The following DMTN variants were observed in gnomAD, a reference collection of about 807,000 sequenced individuals.
DMTN encodes the protein dematin.
In DMTN, 27 loss-of-function variants were observed where a neutral mutation model predicts 59.4. The observed-to-expected ratio is 0.45, with a 90% confidence interval of 0.33 to 0.63. DMTN has a LOEUF of 0.63. Ranked by LOEUF, DMTN falls within the 20% of genes least tolerant of loss-of-function variation. DMTN has a pLI of 0.02. For synonymous variants in DMTN, 221 were observed against 203.7 expected, an observed-to-expected ratio of 1.08 and a Z score of -0.72; for missense variants, 451 against 528.9, an observed-to-expected ratio of 0.85 and a Z score of 1.45.
chr8:22,062,657 G>A (rs1007928112), intron 1 of DMTN, among the ~76,000 whole-genome samples: 2 of 150,588 alleles, frequency 1.3e-5, no homozygotes, highest in African/African-American at 4.9e-5. Flanking sequence ...TGTACCACCT[G>A]GCCAGCACCC....
At chr8:22,076,163 G>T (rs1052968780) in intron 10 of DMTN, among the ~76,000 whole-genome samples, 1 of 152,146 alleles carries the variant, frequency 6.6e-6, no homozygotes, top group Non-Finnish European at 1.5e-5. Flanking sequence ...TGGACATGTG[G>T]GGTTTGAAGT....
intron 1 of DMTN, among the ~76,000 whole-genome samples, chr8:22,062,126 T>C (rs977607023): frequency 6.6e-6 from 1 of 151,802 alleles, no homozygotes; most frequent in Admixed American, 6.6e-5. Context: ...CCCTGTCCTC[T>C]CCTTTCCAGG....
chr8:22,049,196 C>T (rs1261467356), upstream of DMTN: 3 of 150,664 alleles, frequency 2.0e-5, no homozygotes, highest in African/African-American at 7.3e-5. Context: ...CCAGGAGCCT[C>T]CTCGGGCAGC....
In DMTN at chr8:22,060,620, A is replaced by G. The variant is rs1016662292; in HGVS notation, c.-172+3484A>G. 2.0e-5 allele frequency among the ~76,000 whole-genome samples: 3 copies of G among 152,262 alleles called. No homozygotes were observed. Among genetic ancestry groups the G allele is most frequent in the African/African-American group, 7.2e-5 (3 of 41,472 alleles). ...ATTTCTGCCTCTGTGGAAATAATTT[A>G]TCAACCAACATGCTCTCTAACAAAT... On this transcript the variant is annotated intron_variant, in intron 1 of 15. Transcript: ENST00000358242. The surrounding 1 kb of genome is among the most constrained non-coding windows in gnomAD (Gnocchi z 5.0).
At chr8:22,074,084 G>A (rs1817898380) in intron 10 of DMTN, among the ~76,000 whole-genome samples, 1 of 152,192 alleles carries the variant, frequency 6.6e-6, no homozygotes, top group South Asian at 2.1e-4. Flanking sequence ...CTAGGCACTG[G>A]GCATATAAGC....
chr8:22,051,538 A>G (rs1453455865), upstream of DMTN, among the ~76,000 whole-genome samples: 1 of 151,966 alleles, frequency 6.6e-6, no homozygotes, highest in Non-Finnish European at 1.5e-5. Context: ...TCCTTAAGCC[A>G]CACCCCACCC....
At chr8:22,056,447 T>C (rs1280029508), upstream of DMTN, among the ~76,000 whole-genome samples, 5 of 152,144 alleles carry the variant, frequency 3.3e-5, no homozygotes, top group Admixed American at 6.5e-5. Flanking sequence ...TGCAGGTGCC[T>C]GGAGAAAGCA....
upstream of DMTN, among the ~76,000 whole-genome samples, chr8:22,056,691 C>T (rs1243778685): frequency 2.0e-5 from 3 of 150,278 alleles, no homozygotes; most frequent in South Asian, 4.1e-4. Flanking sequence ...TGAGCTGCAG[C>T]GCTGGTGGAA....
chr8:22,057,499 G>T (rs998977946), intron 1 of DMTN, among the ~76,000 whole-genome samples: 1 of 152,168 alleles, frequency 6.6e-6, no homozygotes, highest in Admixed American at 6.5e-5. Context: ...ATACTGGCCC[G>T]CTGGCCTCCC....
chr8:22,066,853 C>A lies in DMTN; in HGVS notation c.-23C>A. On this transcript the variant is annotated 5_prime_UTR_variant, in exon 2 of 16. Coordinates refer to ENST00000358242, the MANE Select transcript of DMTN (RefSeq NM_001387751.1). The stretch of plus-strand genomic sequence containing the variant: ...TCGCGCACAGGGCTCTGCGAGTGAC[C>A]CGGCGGGCGAGCTCCGTGCTGCATG... 1 of 1,413,474 alleles carries A rather than the reference C, an allele frequency of 7.1e-7. No individual in the cohort carries two copies. Among genetic ancestry groups the A allele is most frequent in the South Asian group, 1.4e-5 (1 of 70,548 alleles). The allele number at this position is 1,413,474 out of a possible 1,614,324, so 87.6% of individuals were successfully genotyped here.
In DMTN at chr8:22,070,318, G is replaced by T; in HGVS notation, c.588G>T (p.Pro196=). ...KIETDYWPCP[P]SLAVVETEWR... is the part of the protein sequence containing the mutation. ...AAACCGACTACTGGCCATGCCCCCC[G>T]TCTCTGGCTGTTGTGGGTAGGAGAG... is the stretch of plus-strand genomic sequence containing the variant. The change falls in exon 8 of 16, where the codon CCG becomes CCT. Residue 196 remains proline (P), a synonymous_variant. Coordinates refer to ENST00000358242, the MANE Select transcript of DMTN (RefSeq NM_001387751.1). The T allele has an allele frequency of 6.2e-7, 1 of 1,609,554 alleles. No individual in the cohort carries two copies. Among genetic ancestry groups the T allele is most frequent in the Non-Finnish European group, 8.5e-7 (1 of 1,177,570 alleles).
chr8:22,073,343 T>C (rs1278601784), intron 9 of DMTN, among the ~76,000 whole-genome samples: 1 of 151,974 alleles, frequency 6.6e-6, no homozygotes, highest in Non-Finnish European at 1.5e-5. Flanking sequence ...AAATGAGTAT[T>C]GGCCCAGCAC....
rs1186416207 is a variant in DMTN at position 22,058,212 on chromosome 8, G to C, written c.-172+1076G>C. On this transcript the variant is annotated intron_variant, in intron 1 of 15. Transcript: ENST00000358242. The surrounding 1 kb of genome is among the most constrained non-coding windows in gnomAD (Gnocchi z 4.3). ...GTGCCCACCTGTCCATCTTGTGTCC[G>C]TGCTGCCGGCCTCTCTGTGGTCAGG... 2.0e-5 allele frequency among the ~76,000 whole-genome samples: 3 copies of C among 152,166 alleles called. No individual in the cohort carries two copies. Among genetic ancestry groups the C allele is most frequent in the Non-Finnish European group, 4.4e-5 (3 of 68,026 alleles).
chr8:22,080,347 C>A, intron 11 of DMTN, 65 bp from the exon 12 acceptor site: 1 of 1,613,586 alleles, frequency 6.2e-7, no homozygotes, highest in Non-Finnish European at 8.5e-7. Flanking sequence ...GGGGAGACCC[C>A]CAAAGTGAAG....
upstream of DMTN, among the ~76,000 whole-genome samples, chr8:22,055,250 G>T (rs965228353): frequency 7.2e-5 from 11 of 152,046 alleles, no homozygotes; most frequent in African/African-American, 2.7e-4. Context: ...CTGGGGTGGG[G>T]CCTGGTGGGG....
At chr8:22,069,335 A>C in intron 5 of DMTN, 84 bp from the exon 6 acceptor site, 1 of 1,209,820 alleles carries the variant, frequency 8.3e-7, no homozygotes, top group Non-Finnish European at 1.2e-6. Context: ...ATGGGAGGAC[A>C]GAGAGGGTGG....
At chr8:22,071,042 C>T (rs1474838588) in intron 8 of DMTN, among the ~76,000 whole-genome samples, 20 of 152,038 alleles carry the variant, frequency 1.3e-4, no homozygotes, top group Admixed American at 1.3e-3. Flanking sequence ...AGCTTCATGG[C>T]AAGGTGAGAA....
At chr8:22,080,339 G>T in intron 11 of DMTN, 73 bp from the exon 12 acceptor site, 1 of 1,613,326 alleles carries the variant, frequency 6.2e-7, no homozygotes, top group Non-Finnish European at 8.5e-7. Flanking sequence ...CAGGGAGCGG[G>T]GAGACCCCCA....
upstream of DMTN, among the ~76,000 whole-genome samples, chr8:22,050,764 T>C (rs994677498): frequency 2.0e-5 from 3 of 151,980 alleles, no homozygotes; most frequent in Non-Finnish European, 2.9e-5. Context: ...TCTCTGGGTC[T>C]CTGGGTCCCT....
Sources: allele counts gnomAD v4.1 joint callset (sites outside exome capture counted in the v4.1 genomes callset), GRCh38; gene constraint gnomAD v4.1.1; non-coding constraint Gnocchi (gnomAD v3.1); transcripts MANE v1.5; gene names NCBI Gene and HGNC (gene_info 2026-07-23, HGNC 2026-07-21).